MCF2L2: variants seen among roughly 807,000 people sequenced by gnomAD.
MCF2L2 encodes MCF.2 cell line derived transforming sequence-like 2.
Under a neutral mutation model 150.2 loss-of-function variants are expected in MCF2L2, and 102 were observed. The observed-to-expected ratio is 0.68, with a 90% CI of 0.58 to 0.80. The LOEUF is 0.80. MCF2L2 is among the 30% of genes least tolerant of loss of function. The probability of loss-of-function intolerance (pLI) is 0.00; values close to 1 mark genes in which losing one functional copy is unlikely to be tolerated. For synonymous variants in MCF2L2, 465 were observed against 491.3 expected (o/e 0.95, Z 0.71); for missense variants, 1,256 against 1,372.8 (o/e 0.91, Z 1.34).
chr3:183,318,756 A>G (rs1489648229), intron 6 of MCF2L2, among the ~76,000 whole-genome samples: 5 of 152,180 alleles, frequency 3.3e-5, no homozygotes, highest in Non-Finnish European at 7.3e-5. Flanking sequence ...TGCAAAGGGA[A>G]GTTATGTTTA....
intron 1 of MCF2L2, among the ~76,000 whole-genome samples, chr3:183,400,834 A>G (rs973954085): frequency 6.6e-6 from 1 of 152,140 alleles, no homozygotes; most frequent in Non-Finnish European, 1.5e-5. Flanking sequence ...CGATAGGGAT[A>G]AACTTTGTAA....
intron 5 of MCF2L2, among the ~76,000 whole-genome samples, chr3:183,334,420 A>G (rs985077150): frequency 5.3e-5 from 8 of 152,128 alleles, no homozygotes; most frequent in African/African-American, 1.4e-4. Flanking sequence ...CACATCACCA[A>G]TAGGGGACAG....
At position 183,427,957 on chromosome 3, in the gene MCF2L2, T is replaced by C; in HGVS notation, c.21A>G (p.Glu7=). 6.2e-7 allele frequency: 1 copy of C among 1,613,658 alleles called. No individual in the cohort carries two copies. MLSCLK[E]EMPPQELTRR... The stretch of plus-strand genomic sequence containing the variant: ...GGGTGAGCTCCTGGGGAGGCATCTC[T>C]TCTTTTAAGCAAGACAGCATTTCAC... The change falls in exon 1 of 30, where the codon GAA becomes GAG. Residue 7 remains glutamate, a synonymous_variant. Transcript: ENST00000328913.
chr3:183,309,869 C>A, intron 9 of MCF2L2, 34 bp from the exon 10 acceptor site: 1 of 1,610,604 alleles, frequency 6.2e-7, no homozygotes, highest in Non-Finnish European at 8.5e-7. Flanking sequence ...CAGAAGTAAA[C>A]CAACACTCAC....
rs111481866 is a variant in MCF2L2, at chr3:183,186,663, G to T, written c.3016+6336C>A. 6.8e-3 allele frequency among the ~76,000 whole-genome samples: 1,037 copies of T among 152,330 alleles called. 12 individuals carry two copies. The highest frequency in any genetic ancestry group is 0.024 in the African/African-American group (990 of 41,568). ...AATCAATTGAACCTGGGAGGTGGAG[G>T]TTGCAGTGAGCCAAGTTCGTGCCAT... On this transcript the variant is annotated intron_variant, in intron 27 of 29. Coordinates refer to ENST00000328913, the MANE Select transcript of MCF2L2 (RefSeq NM_015078.4).
At chr3:183,258,807 C>A (rs1168938543) in intron 15 of MCF2L2, among the ~76,000 whole-genome samples, 1 of 152,054 alleles carries the variant, frequency 6.6e-6, no homozygotes, top group African/African-American at 2.4e-5. Flanking sequence ...AGGCATGTAG[C>A]CTTGAGCTCC....
chr3:183,185,198 G>A lies in MCF2L2; in HGVS notation c.3017-5039C>T, dbSNP rs371260242. Among the ~76,000 whole-genome samples the A allele has an allele frequency of 9.2e-5, 14 of 152,338 alleles. No individual in the cohort carries two copies. In the East Asian group the frequency reaches 2.5e-3, roughly 27 times the overall value. On this transcript the variant is annotated intron_variant, in intron 27 of 29. Transcript: ENST00000328913. Reference sequence around the variant, plus strand: ...CTTCCAAAGTGCTGGGATTACAGGCGTAAGCCACCGCGCTTGGCCAATTAT... The same window carrying A: ...CTTCCAAAGTGCTGGGATTACAGGCATAAGCCACCGCGCTTGGCCAATTAT...
intron 14 of MCF2L2, among the ~76,000 whole-genome samples, chr3:183,280,962 T>G (rs556847474): frequency 5.3e-5 from 8 of 152,058 alleles, no homozygotes; most frequent in Non-Finnish European, 8.8e-5. Flanking sequence ...CAGGAGCTAT[T>G]AGGCCCAATT....
At chr3:183,352,026 G>A (rs1711517854) in intron 3 of MCF2L2, among the ~76,000 whole-genome samples, 1 of 152,164 alleles carries the variant, frequency 6.6e-6, no homozygotes, top group African/African-American at 2.4e-5. Context: ...GGGTTTGGAA[G>A]ATATGATAAG....
chr3:183,352,154 C>T (rs1711520243), intron 3 of MCF2L2, among the ~76,000 whole-genome samples: 1 of 152,186 alleles, frequency 6.6e-6, no homozygotes, highest in African/African-American at 2.4e-5. Flanking sequence ...TTGCTATTTT[C>T]TTCAATGCCT....
At chr3:183,336,876 T>C (rs1233334261) in intron 5 of MCF2L2, among the ~76,000 whole-genome samples, 3 of 150,058 alleles carry the variant, frequency 2.0e-5, no homozygotes, top group African/African-American at 4.9e-5. Flanking sequence ...TATATATATA[T>C]ATATATATGG....
intron 13 of MCF2L2, among the ~76,000 whole-genome samples, chr3:183,290,379 C>T (rs1728064476): frequency 6.6e-6 from 1 of 152,186 alleles, no homozygotes; most frequent in African/African-American, 2.4e-5. Context: ...ACCTTACCAG[C>T]TTTGCCAAGC....
intron 5 of MCF2L2, among the ~76,000 whole-genome samples, chr3:183,338,237 A>G (rs1256678107): frequency 6.6e-6 from 1 of 151,976 alleles, no homozygotes; most frequent in African/African-American, 2.4e-5. Flanking sequence ...ACCTGAAGCC[A>G]GGAGTTCGAG....
At chr3:183,390,433 A>G (rs886320477) in intron 1 of MCF2L2, among the ~76,000 whole-genome samples, 5 of 152,198 alleles carry the variant, frequency 3.3e-5, no homozygotes, top group African/African-American at 7.2e-5. Flanking sequence ...TTTCAAGCAC[A>G]AATCTACAAA....
chr3:183,408,569 C>A (rs12488836), intron 1 of MCF2L2, among the ~76,000 whole-genome samples: 2 of 152,180 alleles, frequency 1.3e-5, no homozygotes, highest in Non-Finnish European at 2.9e-5. Flanking sequence ...TCCCGCAGGC[C>A]TTCATGAAAT....
At chr3:183,405,907 G>C (rs1336647934) in intron 1 of MCF2L2, among the ~76,000 whole-genome samples, 1 of 152,112 alleles carries the variant, frequency 6.6e-6, no homozygotes, top group Non-Finnish European at 1.5e-5. Flanking sequence ...GCAGAGACAG[G>C]GTTTTACCAT....
rs552362612 is a variant in MCF2L2, at chr3:183,428,427, C to A, written c.-450G>T. Among the ~76,000 whole-genome samples, 1 of 152,222 alleles carries A rather than the reference C, an allele frequency of 6.6e-6. No individual in the cohort carries two copies. Among genetic ancestry groups the A allele is most frequent in the Admixed American group, 6.5e-5 (1 of 15,296 alleles). ...CCGTGGCTTCTCTGCGCCGCCGGCC[C>A]CACGCCCCAGCGCCCACCTCGTCCA... is the stretch of plus-strand genomic sequence containing the variant. On this transcript the variant is annotated 5_prime_UTR_variant, in exon 1 of 30. Transcript: ENST00000328913. The surrounding 1 kb of genome is among the most constrained non-coding windows in gnomAD (Gnocchi z 5.1).
intron 1 of MCF2L2, among the ~76,000 whole-genome samples, chr3:183,421,675 GTTTA>G (rs1715890190): frequency 2.0e-5 from 3 of 152,108 alleles, no homozygotes; most frequent in African/African-American, 4.8e-5. Context: ...CCTGCTTTTT[GTTTA>G]TTTAAGGGTC....
Position 183,300,105 on chromosome 3 carries a change from C to T in MCF2L2, c.1205G>A (p.Cys402Tyr). 1.2e-6 allele frequency: 2 copies of T among 1,613,984 alleles called. No individual in the cohort carries two copies. The highest frequency in any genetic ancestry group is 2.2e-5 in the South Asian group (2 of 91,054). ...GTCACAGAGGTGCCTGAGCTCCACA[C>T]ACCGGGGCCTGATGGCATCTGCTGC... ...HYAADAIRPR[C>Y]VELRHLCDDF... is the part of the protein sequence containing the mutation. The change falls in exon 11 of 30, where the codon TGT becomes TAT. Residue 402 changes from cysteine (C) to tyrosine (Y), a missense_variant. Coordinates refer to ENST00000328913, the MANE Select transcript of MCF2L2 (RefSeq NM_015078.4).
Sources: allele counts gnomAD v4.1 joint callset (sites outside exome capture counted in the v4.1 genomes callset), GRCh38; gene constraint gnomAD v4.1.1; non-coding constraint Gnocchi (gnomAD v3.1); transcripts MANE v1.5; gene names NCBI Gene and HGNC (gene_info 2026-07-23, HGNC 2026-07-21).